PDXDC1: variants seen among roughly 807,000 people sequenced by gnomAD.
The protein encoded by PDXDC1 is pyridoxal dependent decarboxylase domain containing 1, also known as pyridoxal-dependent decarboxylase domain-containing protein 1.
A neutral mutation model predicts 100.1 loss-of-function variants in PDXDC1; 42 were observed. That is an observed-to-expected ratio of 0.42 (90% CI 0.33 to 0.54). PDXDC1 has a LOEUF of 0.54. Ranked by LOEUF, PDXDC1 falls within the 20% of genes least tolerant of loss-of-function variation. The pLI, the probability that PDXDC1 is intolerant of heterozygous loss-of-function variation, is 0.10. For synonymous variants in PDXDC1, 260 were observed against 371.7 expected (o/e 0.70, Z 3.46); for missense variants, 636 against 979.2 (o/e 0.65, Z 4.68).
chr16:15,101,705 G>C (rs1030022491), intron 16 of PDXDC1, among the ~76,000 whole-genome samples: 2 of 146,648 alleles, frequency 1.4e-5, no homozygotes, highest in African/African-American at 5.0e-5. Context: ...CTGGGGTCTC[G>C]CTTTTGCCCA....
chr16:15,084,287 T>C (rs996405108), intron 16 of PDXDC1, among the ~76,000 whole-genome samples: 1 of 149,260 alleles, frequency 6.7e-6, no homozygotes, highest in Non-Finnish European at 1.5e-5. Context: ...CCCACAAACC[T>C]GAAAAGCTTT....
intron 11 of PDXDC1, among the ~76,000 whole-genome samples, chr16:15,018,566 C>T (rs960287668): frequency 6.6e-6 from 1 of 152,264 alleles, no homozygotes; most frequent in Admixed American, 6.5e-5. Context: ...TGGGGAGTCT[C>T]CTAGGTTCTG....
intron 1 of PDXDC1, chr16:14,989,558 G>C: frequency 6.2e-7 from 1 of 1,611,732 alleles, no homozygotes; most frequent in Non-Finnish European, 8.5e-7. Context: ...GCTGCAGGTA[G>C]ACGTGGGGTC....
chr16:15,064,651 A>G (rs2044878173), intron 16 of PDXDC1, among the ~76,000 whole-genome samples: 1 of 152,228 alleles, frequency 6.6e-6, no homozygotes, highest in Non-Finnish European at 1.5e-5. Flanking sequence ...AAAACAAAAA[A>G]CAAAAAACCC....
At chr16:14,988,365 G>A (rs1479058023) in intron 1 of PDXDC1, 1 of 1,614,168 alleles carries the variant, frequency 6.2e-7, no homozygotes. Flanking sequence ...GGTGATGAGG[G>A]AGGCCAAGCT....
chr16:15,001,635 A>G, intron 3 of PDXDC1, 141 bp from the exon 4 acceptor site: 1 of 594,456 alleles, frequency 1.7e-6, no homozygotes. Flanking sequence ...CATAAACTAT[A>G]TACCACGTTC....
At chr16:14,988,806 C>T (rs1181920844) in intron 1 of PDXDC1, 3 of 1,613,968 alleles carry the variant, frequency 1.9e-6, no homozygotes, top group Non-Finnish European at 1.7e-6. Flanking sequence ...GAGCACCATG[C>T]CCTGCAGGAT....
intron 16 of PDXDC1, among the ~76,000 whole-genome samples, chr16:15,058,263 C>T (rs1180612144): frequency 6.6e-6 from 1 of 151,874 alleles, no homozygotes; most frequent in African/African-American, 2.4e-5. Flanking sequence ...CACTGCACTC[C>T]TGCCTGGGTG....
At chr16:15,094,399 G>C (rs2046274989) in intron 16 of PDXDC1, 3 of 649,948 alleles carry the variant, frequency 4.6e-6, no homozygotes, top group Admixed American at 2.9e-5. Context: ...GCTGAAACCC[G>C]CTCCTCGTTC....
At chr16:15,004,114 G>A (rs1462943652) in intron 4 of PDXDC1, 73 bp from the exon 5 acceptor site, 2 of 1,374,944 alleles carry the variant, frequency 1.5e-6, no homozygotes, top group Non-Finnish European at 2.0e-6. Context: ...AGATATTTCT[G>A]TGGAATTCTG....
chr16:15,035,652 C>T lies in PDXDC1; in HGVS notation c.2107+99C>T, dbSNP rs1427087187. 4.6e-6 allele frequency: 3 copies of T among 652,426 alleles called. No individual in the cohort carries two copies. In the African/African-American group the frequency reaches 5.5e-5, roughly 12 times the overall value. The allele number at this position is 652,426 out of a possible 1,614,324, so 40.4% of individuals were successfully genotyped here. On this transcript the variant is annotated intron_variant, in intron 22 of 22. Coordinates refer to ENST00000396410, the MANE Select transcript of PDXDC1 (RefSeq NM_015027.4). ...GTTCTTGAACTCCAGAGGTCTATTT[C>T]TCTTAAGACCAACTACTACCATCTC...
intron 16 of PDXDC1, among the ~76,000 whole-genome samples, chr16:15,109,854 T>TA (rs1355257869): frequency 1.6e-5 from 2 of 123,566 alleles, no homozygotes; most frequent in African/African-American, 5.9e-5. Context: ...ATCTCAAAAT[T>TA]TAAAAAAAAA....
intron 22 of PDXDC1, 93 bp from the exon 23 acceptor site, chr16:15,035,923 T>G: frequency 1.5e-6 from 2 of 1,318,384 alleles, no homozygotes; most frequent in Admixed American, 4.4e-5. Context: ...GAAGCTGTGT[T>G]GTGAAATAAA....
intron 1 of PDXDC1, among the ~76,000 whole-genome samples, chr16:14,987,763 C>G (rs1325275987): frequency 2.6e-5 from 4 of 152,274 alleles, no homozygotes; most frequent in Non-Finnish European, 5.9e-5. Context: ...AGGCACCCCC[C>G]ACCACGCCTG....
At chr16:15,012,599 C>T (rs1398572690) in intron 8 of PDXDC1, among the ~76,000 whole-genome samples, 5 of 152,298 alleles carry the variant, frequency 3.3e-5, no homozygotes, top group African/African-American at 1.2e-4. Context: ...AATCCCAACA[C>T]TTGGGAAGGC....
chr16:15,131,430 G>T (rs2048053096), intron 16 of PDXDC1: 1 of 1,607,908 alleles, frequency 6.2e-7, no homozygotes, highest in Non-Finnish European at 8.5e-7. Context: ...CCGGGGCCCT[G>T]CTGAAAGCCT....
chr16:15,139,446 A>G (rs2048427707), downstream of PDXDC1: 1 of 113,750 alleles, frequency 8.8e-6, no homozygotes, highest in Non-Finnish European at 1.8e-5. Context: ...ACGACATACT[A>G]AAGGCCAAAA....
chr16:15,094,148 G>C, intron 16 of PDXDC1: 1 of 1,596,976 alleles, frequency 6.3e-7, no homozygotes, highest in Non-Finnish European at 8.5e-7. Context: ...ATCTTACCCA[G>C]TCCTCGACGC....
chr16:15,129,416 G>A (rs1402926982), intron 16 of PDXDC1, among the ~76,000 whole-genome samples: 7 of 152,236 alleles, frequency 4.6e-5, no homozygotes, highest in East Asian at 2.0e-4. Flanking sequence ...TCCAGCCTGG[G>A]CAACAGAGCG....
Sources: gnomAD v4.1 joint callset for allele counts (sites outside exome capture counted in the v4.1 genomes callset) on GRCh38, gnomAD v4.1.1 for gene constraint, MANE v1.5 for transcripts, NCBI Gene and HGNC (gene_info 2026-07-23, HGNC 2026-07-21) for gene names.